The following CFAP44 variants were observed in gnomAD, a reference collection of about 807,000 sequenced individuals.
CFAP44 encodes cilia- and flagella-associated protein 44.
In CFAP44, 134 loss-of-function variants were observed where a neutral mutation model predicts 216.2. The ratio of observed to expected loss-of-function variants is 0.62; its 90% CI spans 0.54 to 0.72. CFAP44 has a LOEUF of 0.72. Ranked by LOEUF, CFAP44 falls within the 30% of genes least tolerant of loss-of-function variation. The probability of loss-of-function intolerance (pLI) is 0.00; values close to 1 mark genes in which losing one functional copy is unlikely to be tolerated. For missense variants in CFAP44, 2,035 were observed against 2,182.1 expected (o/e 0.93, Z 1.34); for synonymous variants, 700 against 727.6 (o/e 0.96, Z 0.61).
In CFAP44 at chr3:113,290,320, A is replaced by G. The variant is rs960285448; in HGVS notation, c.*1237T>C. 6.6e-6 allele frequency: 1 copy of G among 152,240 alleles called. No homozygotes were observed. The highest frequency in any genetic ancestry group is 6.5e-5 in the Admixed American group (1 of 15,288). The allele number at this position is 152,240 out of a possible 1,614,324, so 9.4% of individuals were successfully genotyped here. A position where few individuals can be genotyped will look rare whatever the true frequency, so the allele number is the denominator to read the frequency against. On this transcript the variant is annotated 3_prime_UTR_variant, in exon 35 of 35. Coordinates refer to ENST00000393845, the MANE Select transcript of CFAP44 (RefSeq NM_001164496.2). ...GGAATCTTAGGAAGACAATAGGCCA[A>G]GTGGCCACCTCTAAGAATATGCTGA...
At chr3:113,341,221 G>A (rs1341587813) in intron 24 of CFAP44, among the ~76,000 whole-genome samples, 2 of 152,300 alleles carry the variant, frequency 1.3e-5, no homozygotes, top group East Asian at 3.9e-4. Flanking sequence ...TCCTCACCTA[G>A]GTCCGTGGGG....
chr3:113,308,586 C>CT (rs897744119), intron 28 of CFAP44, among the ~76,000 whole-genome samples: 26 of 148,764 alleles, frequency 1.7e-4, no homozygotes, highest in African/African-American at 3.2e-4. Context: ...ATTTTTTTTT[C>CT]TTTTTTTTTT....
chr3:113,346,469 C>T (rs1224327045), intron 22 of CFAP44, among the ~76,000 whole-genome samples: 10 of 145,664 alleles, frequency 6.9e-5, no homozygotes, highest in Non-Finnish European at 1.2e-4. Flanking sequence ...GGATTGTAAG[C>T]ACACCAATCA....
intron 4 of CFAP44, chr3:113,425,888 G>C: frequency 2.3e-6 from 1 of 437,912 alleles, no homozygotes; most frequent in African/African-American, 2.0e-5. Context: ...GTAGTAAATA[G>C]TTTTTGCCTT....
At chr3:113,314,342 A>G (rs2107799377) in intron 28 of CFAP44, among the ~76,000 whole-genome samples, 1 of 152,364 alleles carries the variant, frequency 6.6e-6, no homozygotes, top group East Asian at 1.9e-4. Context: ...ATTTCTCATT[A>G]GAAACCATGG....
rs866593129 is a variant in CFAP44, at chr3:113,373,686, T to G, written c.2299-130A>C. ...TTTCAAACATCTACTTCTACATAAT[T>G]TCTATGATTATAGATTTATTATTTC... On this transcript the variant is annotated intron_variant, in intron 17 of 34. Coordinates refer to ENST00000393845, the MANE Select transcript of CFAP44 (RefSeq NM_001164496.2). 8 of 720,298 alleles carry G rather than the reference T, an allele frequency of 1.1e-5. 1 individual carries two copies. In the Middle Eastern group the frequency reaches 2.1e-3, roughly 186 times the overall value. The allele number at this position is 720,298 out of a possible 1,614,324, so 44.6% of individuals were successfully genotyped here. A position where few individuals can be genotyped will look rare whatever the true frequency, so the allele number is the denominator to read the frequency against.
chr3:113,369,105 CAA>C (rs776408333), intron 18 of CFAP44, among the ~76,000 whole-genome samples: 11 of 152,140 alleles, frequency 7.2e-5, no homozygotes, highest in Non-Finnish European at 1.5e-4. Context: ...TAGAAACCTA[CAA>C]AGAGACTTAG....
intron 9 of CFAP44, 42 bp downstream of exon 9, chr3:113,403,810 C>T: frequency 6.3e-7 from 1 of 1,586,874 alleles, no homozygotes; most frequent in Non-Finnish European, 8.6e-7. Flanking sequence ...AGCTACAAGT[C>T]TTAAACGTGG....
chr3:113,396,696 C>G lies in CFAP44; in HGVS notation c.1601G>C (p.Gly534Ala), dbSNP rs77501585. Reference protein sequence around the residue: ...VNFTGAQIIVGFEDGVVRILE... With the variant: ...VNFTGAQIIVAFEDGVVRILE... ...AATTCGAACAACTCCATCTTCAAAT[C>G]CTACAATAATTTGTGCTCCAGTGAA... Residue 534 changes from glycine to alanine, a missense_variant, in exon 14 of 35, where the codon GGA becomes GCA. Physicochemically the swap from Gly to Ala is moderately conservative, Grantham distance 60. Transcript: ENST00000393845. 0.032 allele frequency: 51,878 copies of G among 1,613,832 alleles called. 968 individuals carry two copies. The highest frequency in any genetic ancestry group is 0.038 in the Non-Finnish European group (44,553 of 1,179,862).
At chr3:113,388,733 G>A (rs1370946538) in intron 15 of CFAP44, among the ~76,000 whole-genome samples, 1 of 152,102 alleles carries the variant, frequency 6.6e-6, no homozygotes, top group Non-Finnish European at 1.5e-5. Flanking sequence ...AAATAGAGTA[G>A]AAATAATTAC....
intron 22 of CFAP44, among the ~76,000 whole-genome samples, chr3:113,358,089 A>G (rs569375802): frequency 6.6e-6 from 1 of 152,208 alleles, no homozygotes; most frequent in South Asian, 2.1e-4. Context: ...CAGATGCAAA[A>G]GAATCCATAC....
chr3:113,424,749 A>G (rs1576605980), intron 4 of CFAP44, among the ~76,000 whole-genome samples: 1 of 152,308 alleles, frequency 6.6e-6, no homozygotes, highest in East Asian at 1.9e-4. Flanking sequence ...AAAAGGCTAT[A>G]GTTTATACAG....
intron 29 of CFAP44, 130 bp downstream of exon 29, chr3:113,308,028 C>G: frequency 3.1e-6 from 2 of 649,616 alleles, no homozygotes; most frequent in South Asian, 4.5e-5. Flanking sequence ...ATTCATTAGA[C>G]TCTATAACAT....
At chr3:113,318,444 T>A (rs1355695417) in intron 28 of CFAP44, among the ~76,000 whole-genome samples, 1 of 152,048 alleles carries the variant, frequency 6.6e-6, no homozygotes, top group Non-Finnish European at 1.5e-5. Context: ...AGAGAACAAA[T>A]CTATGACTCA....
At chr3:113,320,453 T>TGATATATATGATATATATG (rs1559910339) in intron 28 of CFAP44, among the ~76,000 whole-genome samples, 7,253 of 113,772 alleles carry the variant, frequency 0.064, 357 homozygotes, top group African/African-American at 0.14. Context: ...TGATATATAT[T>TGATATATATGATATATATG]ACATCTATAT....
At chr3:113,394,626 G>A (rs1036276699) in intron 15 of CFAP44, among the ~76,000 whole-genome samples, 1 of 151,898 alleles carries the variant, frequency 6.6e-6, no homozygotes, top group African/African-American at 2.4e-5. Flanking sequence ...CTATACCAGG[G>A]GTGTCCAATC....
At chr3:113,327,901 T>C in intron 26 of CFAP44, 82 bp from the exon 27 acceptor site, 1 of 1,291,808 alleles carries the variant, frequency 7.7e-7, no homozygotes. Flanking sequence ...CTAATTTGTA[T>C]GAAGTCATTT....
intron 18 of CFAP44, 54 bp downstream of exon 18, chr3:113,373,357 G>A (rs1487557995): frequency 2.2e-6 from 3 of 1,388,080 alleles, no homozygotes; most frequent in Non-Finnish European, 2.8e-6. Flanking sequence ...ATGAACAAAA[G>A]CATAGACACT....
chr3:113,302,784 A>AAAAG (rs1240846187), intron 32 of CFAP44, among the ~76,000 whole-genome samples: 2 of 150,926 alleles, frequency 1.3e-5, no homozygotes. Context: ...AAAAAAAAAA[A>AAAAG]AAAAAAAGAA....
Sources: gnomAD v4.1 joint callset for allele counts (sites outside exome capture counted in the v4.1 genomes callset) on GRCh38, gnomAD v4.1.1 for gene constraint, MANE v1.5 for transcripts, NCBI Gene and HGNC (gene_info 2026-07-23, HGNC 2026-07-21) for gene names.